The following RGS22 variants were observed in gnomAD, a reference collection of about 807,000 sequenced individuals.
The protein encoded by RGS22 is regulator of G protein signaling 22.
Under a neutral mutation model 172.9 loss-of-function variants are expected in RGS22, and 148 were observed. The ratio of observed to expected loss-of-function variants is 0.86; its 90% CI spans 0.75 to 0.98. The LOEUF is 0.98. RGS22 is among the 50% of genes least tolerant of loss of function. The pLI is 0.00. For synonymous variants in RGS22, 458 were observed against 480.2 expected (o/e 0.95, Z 0.60); for missense variants, 1,347 against 1,440.8 (o/e 0.93, Z 1.05).
chr8:100,099,010 G>C (rs918433305), intron 2 of RGS22, among the ~76,000 whole-genome samples: 39 of 151,866 alleles, frequency 2.6e-4, no homozygotes, highest in African/African-American at 9.2e-4. Flanking sequence ...CCACCTCCCA[G>C]GTTCAAGCGA....
At chr8:99,996,064 G>C (rs1233191164) in intron 20 of RGS22, among the ~76,000 whole-genome samples, 3 of 124,842 alleles carry the variant, frequency 2.4e-5, no homozygotes, top group Non-Finnish European at 4.7e-5. Flanking sequence ...TGAACAACGG[G>C]ATCACTTGGA....
intron 20 of RGS22, among the ~76,000 whole-genome samples, chr8:99,990,222 T>C (rs1318141933): frequency 6.6e-6 from 1 of 152,114 alleles, no homozygotes; most frequent in South Asian, 2.1e-4. Context: ...TAATGAGCTA[T>C]GATCATACTA....
In RGS22 at chr8:99,991,693, T is replaced by A. The variant is rs568185435; in HGVS notation, c.3019-4074A>T. On this transcript the variant is annotated intron_variant, in intron 20 of 27. Coordinates refer to ENST00000360863, the MANE Select transcript of RGS22 (RefSeq NM_015668.5). ...AATGGAACCAAGTTGGAAAACACTC[T>A]TCAGGATATTATCCAGGAGAACTTC... 2.4e-4 allele frequency among the ~76,000 whole-genome samples: 36 copies of A among 152,324 alleles called. 1 individual carries two copies. The highest frequency in any genetic ancestry group is 2.3e-3 in the Admixed American group (35 of 15,304).
In RGS22 at chr8:100,052,822, G is replaced by A. The variant is rs779466148; in HGVS notation, c.1669C>T (p.Pro557Ser). The A allele has an allele frequency of 2.6e-5, 42 of 1,614,036 alleles. No homozygotes were observed. The highest frequency in any genetic ancestry group is 3.6e-5 in the Non-Finnish European group (42 of 1,179,940). The change falls in exon 10 of 28, where the codon CCA (proline) becomes TCA (serine). Residue 557 changes from proline to serine, a missense_variant. By Grantham distance (74) the Pro-to-Ser change is moderately conservative. Coordinates refer to ENST00000360863, the MANE Select transcript of RGS22 (RefSeq NM_015668.5). ...LLPLRPKSCIPQIPEIQKEEF... is the reference protein window; with the variant it reads ...LLPLRPKSCISQIPEIQKEEF... Reference sequence around the variant, plus strand: ...CCTACCTGGATCTCAGGTATCTGTGGAATGCAAGATTTGGGTCTTAATGGC... The same window carrying A: ...CCTACCTGGATCTCAGGTATCTGTGAAATGCAAGATTTGGGTCTTAATGGC...
rs151220378 is a variant in RGS22 at position 99,963,404 on chromosome 8, T to A, written c.3616-426A>T. On this transcript the variant is annotated intron_variant, in intron 24 of 27. Transcript: ENST00000360863. ...ATTCAGTCATCTTTATATATTCAATTTGATTGTAAATTTAGTGCTTAGGAA... is the reference window on the plus strand; with the variant it reads ...ATTCAGTCATCTTTATATATTCAATATGATTGTAAATTTAGTGCTTAGGAA... Among the ~76,000 whole-genome samples, 235 of 152,272 alleles carry A rather than the reference T, an allele frequency of 1.5e-3. 2 individuals are homozygous for A. The highest frequency in any genetic ancestry group is 5.1e-3 in the African/African-American group (211 of 41,556).
chr8:99,976,888 G>A (rs180992633), intron 23 of RGS22, among the ~76,000 whole-genome samples: 65 of 152,174 alleles, frequency 4.3e-4, no homozygotes, highest in African/African-American at 1.5e-3. Context: ...GTGTCTTTCC[G>A]TGTCTTTTAC....
intron 18 of RGS22, among the ~76,000 whole-genome samples, chr8:100,001,676 T>C (rs901167673): frequency 6.6e-6 from 1 of 152,136 alleles, no homozygotes; most frequent in South Asian, 2.1e-4. Context: ...GAAAATACAA[T>C]TGTAAGGAGG....
rs59603032 is a variant in RGS22 at position 100,083,830 on chromosome 8, C to CTTTT, written c.118-3479_118-3476dup. 1.4e-4 allele frequency among the ~76,000 whole-genome samples: 18 copies of CTTTT among 126,028 alleles called. 1 individual carries two copies. The highest frequency in any genetic ancestry group is 2.8e-4 in the African/African-American group (9 of 32,370). 82.7% of individuals were successfully genotyped at this position (126,028 alleles called of 152,430 possible). On this transcript the variant is annotated intron_variant, in intron 3 of 27. Transcript: ENST00000360863. ...TAGAACTGACCGCGTAATTTCTTTT[C>CTTTT]TTTTTTTTTTTTTTTTTTGTTTTTT...
Position 100,080,320 on chromosome 8 carries a change from A to G in RGS22, c.153T>C (p.Tyr51=). 6.2e-7 allele frequency: 1 copy of G among 1,613,198 alleles called. No individual in the cohort carries two copies. The highest frequency in any genetic ancestry group is 1.7e-5 in the Admixed American group (1 of 59,914). Residue 51 remains tyrosine (Y), a synonymous_variant, in exon 4 of 28, where the codon TAT becomes TAC. Transcript: ENST00000360863. ...CATCATTAGCTACTTCAAAAACTCC[A>G]TAATCTGCATTAAATCTAATTGCCT... ...FSEAIRFNAD[Y]GVFEVANDAP... is the part of the protein sequence containing the mutation.
At chr8:100,051,781 T>G (rs1361983553) in intron 10 of RGS22, among the ~76,000 whole-genome samples, 3 of 71,360 alleles carry the variant, frequency 4.2e-5, no homozygotes, top group East Asian at 4.9e-4. Context: ...TTATATATAT[T>G]TATATATAAA....
intron 14 of RGS22, among the ~76,000 whole-genome samples, chr8:100,010,202 A>C (rs778213204): frequency 2.6e-5 from 4 of 152,046 alleles, no homozygotes; most frequent in Non-Finnish European, 5.9e-5. Context: ...TAAAACCAAC[A>C]TAAGGCCAGG....
intron 14 of RGS22, among the ~76,000 whole-genome samples, chr8:100,012,379 C>T (rs1000266831): frequency 1.3e-5 from 2 of 152,036 alleles, no homozygotes; most frequent in African/African-American, 2.4e-5. Flanking sequence ...AGATGAGTGG[C>T]TTAAAGAGCA....
intron 2 of RGS22, among the ~76,000 whole-genome samples, chr8:100,098,088 T>C (rs1813124345): frequency 6.6e-6 from 1 of 152,198 alleles, no homozygotes; most frequent in Admixed American, 6.5e-5. Context: ...TTTTTTCTTC[T>C]CCAGAAGTCT....
At chr8:100,096,367 G>C (rs1812968047) in intron 2 of RGS22, among the ~76,000 whole-genome samples, 1 of 152,164 alleles carries the variant, frequency 6.6e-6, no homozygotes, top group African/African-American at 2.4e-5. Context: ...CAGATTCTCT[G>C]TTGAATGAAG....
At chr8:100,105,590 A>C in intron 1 of RGS22, 188 bp from the exon 2 acceptor site, 1 of 617,494 alleles carries the variant, frequency 1.6e-6, no homozygotes, top group Non-Finnish European at 2.9e-6. Context: ...TGGGAAGGAA[A>C]GGCCTCTGGA....
chr8:99,981,310 T>C (rs1812525071), intron 22 of RGS22, among the ~76,000 whole-genome samples: 1 of 152,228 alleles, frequency 6.6e-6, no homozygotes, highest in African/African-American at 2.4e-5. Flanking sequence ...GTTGGTAGAG[T>C]TCTTAAATCT....
chr8:100,103,226 T>C (rs1310874161), intron 2 of RGS22, among the ~76,000 whole-genome samples: 1 of 152,216 alleles, frequency 6.6e-6, no homozygotes, highest in Non-Finnish European at 1.5e-5. Flanking sequence ...TTGAATTTTA[T>C]GCTTTAGACA....
At chr8:100,045,448 A>T (rs1162663140) in intron 11 of RGS22, among the ~76,000 whole-genome samples, 3 of 152,122 alleles carry the variant, frequency 2.0e-5, no homozygotes, top group African/African-American at 7.2e-5. Context: ...TAACAAATAC[A>T]CAGAAAATAA....
At chr8:100,060,830 T>C (rs2131770184) in intron 9 of RGS22, among the ~76,000 whole-genome samples, 1 of 152,242 alleles carries the variant, frequency 6.6e-6, no homozygotes, top group Non-Finnish European at 1.5e-5. Flanking sequence ...TTAAAATTCA[T>C]ATGGAACCAA....
Sources: allele counts gnomAD v4.1 joint callset (sites outside exome capture counted in the v4.1 genomes callset), GRCh38; gene constraint gnomAD v4.1.1; transcripts MANE v1.5; gene names NCBI Gene and HGNC (gene_info 2026-07-23, HGNC 2026-07-21).